The following ADCY3 variants were observed in gnomAD, a reference collection of about 807,000 sequenced individuals.
ADCY3 encodes adenylate cyclase 3, also known as adenylate cyclase type 3.
A neutral mutation model predicts 119.4 loss-of-function variants in ADCY3; 70 were observed. The ratio of observed to expected loss-of-function variants is 0.59; its 90% CI spans 0.48 to 0.72. ADCY3 has a LOEUF of 0.72. Ranked by LOEUF, ADCY3 falls within the 30% of genes least tolerant of loss-of-function variation. The pLI is 0.00. For missense variants in ADCY3, 1,238 were observed against 1,541.6 expected, an observed-to-expected ratio of 0.80 and a Z score of 3.30; for synonymous variants, 672 against 621.4, an observed-to-expected ratio of 1.08 and a Z score of -1.21.
chr2:24,895,735 C>T (rs1678189672), intron 2 of ADCY3, among the ~76,000 whole-genome samples: 1 of 152,016 alleles, frequency 6.6e-6, no homozygotes, highest in South Asian at 2.1e-4. Context: ...ATGTGATCCT[C>T]CCGTCTCAGC....
At chr2:24,828,936 C>T (rs1376634723) in intron 13 of ADCY3, among the ~76,000 whole-genome samples, 2 of 152,330 alleles carry the variant, frequency 1.3e-5, no homozygotes, top group Non-Finnish European at 2.9e-5. Flanking sequence ...CTTCTCTTCC[C>T]TGGGTAGTGG....
chr2:24,907,516 A>C (rs542262810), intron 2 of ADCY3, among the ~76,000 whole-genome samples: 86 of 152,214 alleles, frequency 5.6e-4, no homozygotes, highest in Non-Finnish European at 1.1e-3. Context: ...ATTTCTAATC[A>C]AAGTGAATTC....
At position 24,903,487 on chromosome 2, in the gene ADCY3, G is replaced by A. The variant is rs761285409; in HGVS notation, c.675+14826C>T. Among the ~76,000 whole-genome samples the A allele has an allele frequency of 7.2e-5, 11 of 151,918 alleles. No homozygotes were observed. In the South Asian group the frequency reaches 1.3e-3, roughly 17 times the overall value. Reference sequence around the variant, plus strand: ...TGCGCTTCCCGGGGGGAGCCTGGGCGCCTTCTTCACCCTCTGTTCCTCCTC... The same window carrying A: ...TGCGCTTCCCGGGGGGAGCCTGGGCACCTTCTTCACCCTCTGTTCCTCCTC... On this transcript the variant is annotated intron_variant, in intron 2 of 21. Coordinates refer to ENST00000679454, the MANE Select transcript of ADCY3 (RefSeq NM_004036.5).
intron 3 of ADCY3, among the ~76,000 whole-genome samples, chr2:24,862,586 T>C (rs1288995235): frequency 6.6e-6 from 1 of 151,014 alleles, no homozygotes; most frequent in Non-Finnish European, 1.5e-5. Context: ...TAAAAACAAA[T>C]AAAAATCAAG....
At chr2:24,896,270 A>G (rs1051400115) in intron 2 of ADCY3, among the ~76,000 whole-genome samples, 7 of 152,082 alleles carry the variant, frequency 4.6e-5, no homozygotes, top group African/African-American at 1.7e-4. Flanking sequence ...CTGTAATCCC[A>G]GCTACTCCGG....
At chr2:24,836,659 C>T (rs542747095) in intron 9 of ADCY3, among the ~76,000 whole-genome samples, 6 of 152,278 alleles carry the variant, frequency 3.9e-5, no homozygotes, top group African/African-American at 1.4e-4. Flanking sequence ...GGATTCCGGG[C>T]CATCAGAGCT....
At chr2:24,840,466 A>C in intron 6 of ADCY3, 1 of 406,888 alleles carries the variant, frequency 2.5e-6, no homozygotes, top group Non-Finnish European at 5.2e-6. Flanking sequence ...CTGGACTACC[A>C]CCCCTGGGGT....
intron 21 of ADCY3, 138 bp from the exon 22 acceptor site, chr2:24,820,252 G>A: frequency 8.3e-7 from 1 of 1,202,848 alleles, no homozygotes. Flanking sequence ...AACCTCCCAG[G>A]GCCAAGCCCT....
Position 24,841,766 on chromosome 2 carries a change from A to G in ADCY3, c.957-99T>C. 1 of 876,376 alleles carries G rather than the reference A, an allele frequency of 1.1e-6. No individual in the cohort carries two copies. Among genetic ancestry groups the G allele is most frequent in the Non-Finnish European group, 1.8e-6 (1 of 543,156 alleles). 54.3% of individuals were successfully genotyped at this position (876,376 alleles called of 1,614,324 possible). ...TCCAACCCACAGGGCAGCCAGGATC[A>G]GGGCAGGAGAAGGTCCTCCCTCACG... On this transcript the variant is annotated intron_variant, in intron 4 of 21. Transcript: ENST00000679454. This position sits in a 1 kb window ranked among gnomAD's most constrained non-coding sequence, Gnocchi z 5.8.
rs558839191 is a variant in ADCY3, at chr2:24,892,311, C to T, written c.676-19592G>A. Among the ~76,000 whole-genome samples the T allele has an allele frequency of 3.7e-4, 56 of 150,604 alleles. 2 individuals carry two copies. The South Asian group carries it at 0.011, about 29-fold the overall frequency. ...TCACCCAGGCTGGAGTGCAGTGGCGCGATCTCGGCTCACTGCAAGCTCTGC... is the reference window on the plus strand; with the variant it reads ...TCACCCAGGCTGGAGTGCAGTGGCGTGATCTCGGCTCACTGCAAGCTCTGC... On this transcript the variant is annotated intron_variant, in intron 2 of 21. Transcript: ENST00000679454.
chr2:24,872,662 A>G lies in ADCY3; in HGVS notation c.733T>C (p.Tyr245His). The G allele has an allele frequency of 6.2e-7, 1 of 1,614,226 alleles. No individual in the cohort carries two copies. Among genetic ancestry groups the G allele is most frequent in the Non-Finnish European group, 8.5e-7 (1 of 1,180,038 alleles). ...CAIAVGIMSY[Y>H]MADRKHRKAF... Reference sequence around the variant, plus strand: ...TTGCGGTGCTTGCGGTCAGCCATGTAGTAGGACATGATGCCCACAGCGATG... The same window carrying G: ...TTGCGGTGCTTGCGGTCAGCCATGTGGTAGGACATGATGCCCACAGCGATG... Residue 245 changes from tyrosine (Y) to histidine (H), a missense_variant, in exon 3 of 22, where the codon TAC becomes CAC. Around this residue, in one of 7 missense-constraint regions of ADCY3, gnomAD observed 283 missense variants for 437.2 expected, o/e 0.65. Coordinates refer to ENST00000679454, the MANE Select transcript of ADCY3 (RefSeq NM_004036.5). This position sits in a 1 kb window ranked among gnomAD's most constrained non-coding sequence, Gnocchi z 4.4.
intron 2 of ADCY3, among the ~76,000 whole-genome samples, chr2:24,873,142 T>G (rs1032044901): frequency 6.6e-6 from 1 of 152,142 alleles, no homozygotes; most frequent in African/African-American, 2.4e-5. Context: ...CTCTGCCAAT[T>G]TGTTGGTAAG....
chr2:24,832,829 C>T (rs114114378), intron 11 of ADCY3, among the ~76,000 whole-genome samples: 1 of 152,256 alleles, frequency 6.6e-6, no homozygotes, highest in South Asian at 2.1e-4. Context: ...TTCACGTGTC[C>T]CAAAGCAAAC....
chr2:24,886,554 C>G (rs1023090344), intron 2 of ADCY3, among the ~76,000 whole-genome samples: 2 of 152,228 alleles, frequency 1.3e-5, no homozygotes, highest in African/African-American at 4.8e-5. Context: ...ACTCTGCCCT[C>G]CTGCTTCGCC....
At chr2:24,826,192 T>C in intron 15 of ADCY3, 66 bp from the exon 16 acceptor site, 1 of 1,414,738 alleles carries the variant, frequency 7.1e-7, no homozygotes, top group Non-Finnish European at 9.9e-7. Flanking sequence ...CCTGATTCCC[T>C]CCAACTAGAT....
chr2:24,882,452 C>A (rs938305752), intron 2 of ADCY3, among the ~76,000 whole-genome samples: 7 of 152,292 alleles, frequency 4.6e-5, no homozygotes, highest in Non-Finnish European at 7.3e-5. Flanking sequence ...TGACTGAGAA[C>A]CACAAAACTC....
chr2:24,887,588 G>A (rs113714363), intron 2 of ADCY3, among the ~76,000 whole-genome samples: 1 of 151,930 alleles, frequency 6.6e-6, no homozygotes, highest in African/African-American at 2.4e-5. Flanking sequence ...CCCGGCATCT[G>A]GCTCTGTGGG....
chr2:24,824,556 G>A lies in ADCY3; in HGVS notation c.2578-20C>T, dbSNP rs771722608. ...TTCTACCTACAGACACAGACAAGGC[G>A]AGGCATGTGCTCTAAGCTGGCCACT... On this transcript the variant is annotated intron_variant, in intron 16 of 21. Transcript: ENST00000679454. 7.4e-6 allele frequency: 12 copies of A among 1,613,102 alleles called. No individual in the cohort carries two copies. The highest frequency in any genetic ancestry group is 9.3e-6 in the Non-Finnish European group (11 of 1,179,358).
At chr2:24,913,423 T>C (rs773104073) in intron 2 of ADCY3, among the ~76,000 whole-genome samples, 8 of 152,300 alleles carry the variant, frequency 5.3e-5, no homozygotes, top group Middle Eastern at 3.4e-3. Flanking sequence ...GCAAAGACAT[T>C]TGGGGGCAGC....
Sources: gnomAD v4.1 joint callset for allele counts (sites outside exome capture counted in the v4.1 genomes callset) on GRCh38, gnomAD v4.1.1 for gene constraint, gnomAD v4.1.1 regional missense constraint, Gnocchi (gnomAD v3.1) non-coding constraint, MANE v1.5 for transcripts, NCBI Gene and HGNC (gene_info 2026-07-23, HGNC 2026-07-21) for gene names.